Variants in ANKRD30B observed in about 807,000 individuals in gnomAD.
ANKRD30B encodes the protein ankyrin repeat domain-containing protein 30B.
Under a neutral mutation model 202.2 loss-of-function variants are expected in ANKRD30B, and 144 were observed. That is an observed-to-expected ratio of 0.71 (90% CI 0.62 to 0.82). The LOEUF (loss-of-function observed/expected upper bound fraction) is 0.82. Among genes scored for constraint, ANKRD30B ranks in the 40% least tolerant of loss-of-function variants. The probability of loss-of-function intolerance (pLI) is 0.00; values close to 1 mark genes in which losing one functional copy is unlikely to be tolerated. For synonymous variants in ANKRD30B, 508 were observed against 561.3 expected (o/e 0.91, Z 1.34); for missense variants, 1,487 against 1,669.1 (o/e 0.89, Z 1.90).
chr18:14,796,906 A>C (rs1194272735), intron 18 of ANKRD30B, among the ~76,000 whole-genome samples: 2 of 152,220 alleles, frequency 1.3e-5, no homozygotes, highest in Non-Finnish European at 2.9e-5. Flanking sequence ...TAACATCTGT[A>C]TGCAGAAATA....
the ANKRD30B span, among the ~76,000 whole-genome samples, chr18:14,892,783 T>C: frequency 7.0e-6 from 1 of 142,766 alleles, no homozygotes; most frequent in Admixed American, 7.1e-5. Flanking sequence ...TTGGGCATGG[T>C]GGTGAATTCC....
intron 7 of ANKRD30B, among the ~76,000 whole-genome samples, chr18:14,765,697 T>C (rs1916013035): frequency 1.3e-5 from 2 of 152,234 alleles, no homozygotes; most frequent in South Asian, 4.1e-4. Flanking sequence ...GGTAATTACA[T>C]AAAAAGATTT....
At chr18:14,933,753 G>C in the ANKRD30B span, among the ~76,000 whole-genome samples, 1 of 146,152 alleles carries the variant, frequency 6.8e-6, no homozygotes, top group South Asian at 2.2e-4. Context: ...GTTTGACTCA[G>C]AGGAGGTGAA....
the ANKRD30B span, among the ~76,000 whole-genome samples, chr18:14,866,864 G>A: frequency 1.6e-4 from 24 of 152,134 alleles, no homozygotes; most frequent in African/African-American, 5.1e-4. Context: ...CACTACCAGC[G>A]GCGGGTGGCA....
Position 14,787,074 on chromosome 18 carries a change from G to A in ANKRD30B, c.1708G>A (p.Asp570Asn), listed in dbSNP as rs372948852. The A allele has an allele frequency of 2.9e-5, 47 of 1,609,328 alleles. No individual in the cohort carries two copies. Among genetic ancestry groups the A allele is most frequent in the African/African-American group, 1.3e-4 (10 of 74,874 alleles). The stretch of plus-strand genomic sequence containing the variant: ...CCCATCAGAATCCAAACAAAAGGAC[G>A]ATGAAGAAAATTCTTGGGATTCTGA... ...MFPSESKQKD[D>N]EENSWDSESP... Residue 570 changes from aspartate (D) to asparagine (N), a missense_variant, in exon 15 of 44, where the codon GAT (aspartate) becomes AAT (asparagine). Transcript: ENST00000690538.
At chr18:14,870,465 C>T in the ANKRD30B span, among the ~76,000 whole-genome samples, 155 of 152,272 alleles carry the variant, frequency 1.0e-3, no homozygotes, top group African/African-American at 3.6e-3. Context: ...TGAGGTTACC[C>T]ACGGGACTTT....
the ANKRD30B span, among the ~76,000 whole-genome samples, chr18:14,893,072 T>TA: frequency 1.3e-5 from 2 of 152,162 alleles, no homozygotes; most frequent in Non-Finnish European, 1.5e-5. Flanking sequence ...TTGACATATT[T>TA]AAAAAACACC....
At chr18:14,930,235 C>T in the ANKRD30B span, among the ~76,000 whole-genome samples, 28 of 152,082 alleles carry the variant, frequency 1.8e-4, no homozygotes, top group South Asian at 4.4e-3. Flanking sequence ...GAGGCTGGGC[C>T]GACAGAGAAG....
chr18:14,754,299 G>A (rs1913977974), intron 3 of ANKRD30B, among the ~76,000 whole-genome samples: 1 of 152,134 alleles, frequency 6.6e-6, no homozygotes, highest in Admixed American at 6.6e-5. Context: ...TTTCAAAACT[G>A]TATGCCTGAA....
chr18:14,782,017 G>C (rs1432560326), intron 11 of ANKRD30B, among the ~76,000 whole-genome samples: 1 of 152,136 alleles, frequency 6.6e-6, no homozygotes, highest in Admixed American at 6.5e-5. Context: ...TTAACGAAAG[G>C]TAAAGATCAG....
chr18:14,808,219 C>A (rs1333659015), intron 24 of ANKRD30B, among the ~76,000 whole-genome samples: 1 of 150,434 alleles, frequency 6.6e-6, no homozygotes, highest in African/African-American at 2.5e-5. Flanking sequence ...ATGACTTGGT[C>A]ATCTTAATAA....
the ANKRD30B span, among the ~76,000 whole-genome samples, chr18:14,869,748 A>T: frequency 3.3e-5 from 5 of 151,672 alleles, no homozygotes; most frequent in African/African-American, 9.7e-5. Context: ...TAATAGTCTA[A>T]AAGTTATAAA....
chr18:14,860,045 T>C, the ANKRD30B span, among the ~76,000 whole-genome samples: 33 of 90,074 alleles, frequency 3.7e-4, no homozygotes, highest in Admixed American at 8.8e-4. Context: ...CCAGACAGGG[T>C]GGCCGGGCAG....
intron 34 of ANKRD30B, 149 bp from the exon 35 acceptor site, chr18:14,837,062 A>G (rs1971206987): frequency 1.8e-6 from 1 of 564,614 alleles, no homozygotes; most frequent in Non-Finnish European, 3.2e-6. Context: ...TTCTCCCAGG[A>G]TAGTGCCTAT....
At chr18:14,769,949 A>C (rs1002947756) in intron 8 of ANKRD30B, among the ~76,000 whole-genome samples, 35 of 152,230 alleles carry the variant, frequency 2.3e-4, no homozygotes, top group African/African-American at 8.2e-4. Context: ...GTAAATCTAT[A>C]GATGGATTAT....
chr18:14,774,599 G>A lies in ANKRD30B; in HGVS notation c.1329+2371G>A, dbSNP rs947784171. Among the ~76,000 whole-genome samples, 16 of 151,988 alleles carry A rather than the reference G, an allele frequency of 1.1e-4. No individual in the cohort carries two copies. The East Asian group carries it at 1.4e-3, about 13-fold the overall frequency. The stretch of plus-strand genomic sequence containing the variant: ...AATTATTTATACTTAGCTTTTTGCC[G>A]TTCAGAATAGAAACAACCTATACTA... On this transcript the variant is annotated intron_variant, in intron 9 of 43. Coordinates refer to ENST00000690538, the MANE Select transcript of ANKRD30B (RefSeq NM_001367607.2).
the ANKRD30B span, among the ~76,000 whole-genome samples, chr18:14,873,570 G>C: frequency 6.7e-6 from 1 of 149,620 alleles, no homozygotes; most frequent in Non-Finnish European, 1.5e-5. Flanking sequence ...TTTAGAATAA[G>C]ATTGGAGTGT....
At chr18:14,922,266 C>G in the ANKRD30B span, among the ~76,000 whole-genome samples, 1 of 152,092 alleles carries the variant, frequency 6.6e-6, no homozygotes, top group Non-Finnish European at 1.5e-5. Context: ...CCAGCCCTAG[C>G]CAGAGGGGTA....
At position 14,748,284 on chromosome 18, in the gene ANKRD30B, T is replaced by C; in HGVS notation, c.-136T>C. 1 of 609,430 alleles carries C rather than the reference T, an allele frequency of 1.6e-6. No homozygotes were observed. Among genetic ancestry groups the C allele is most frequent in the South Asian group, 2.5e-5 (1 of 40,364 alleles). The allele number at this position is 609,430 out of a possible 1,614,324, so 37.8% of individuals were successfully genotyped here. On this transcript the variant is annotated 5_prime_UTR_variant, in exon 1 of 44. Coordinates refer to ENST00000690538, the MANE Select transcript of ANKRD30B (RefSeq NM_001367607.2). ...AAATTTCTGCTGGTGTTGGGGCGGG[T>C]GCGGGAACTGAAGACGGGCGAGTGC...
Sources: gnomAD v4.1 joint callset for allele counts (sites outside exome capture counted in the v4.1 genomes callset) on GRCh38, gnomAD v4.1.1 for gene constraint, MANE v1.5 for transcripts, NCBI Gene and HGNC (gene_info 2026-07-23, HGNC 2026-07-21) for gene names.